Variants in PALS2 observed in about 807,000 individuals in gnomAD.
PALS2 encodes the protein protein PALS2.
A neutral mutation model predicts 61.6 loss-of-function variants in PALS2; 27 were observed. That is an observed-to-expected ratio of 0.44 (90% CI 0.32 to 0.60). The LOEUF is 0.60. Ranked by LOEUF, PALS2 falls within the 20% of genes least tolerant of loss-of-function variation. The pLI, the probability that PALS2 is intolerant of heterozygous loss-of-function variation, is 0.05. For missense variants in PALS2, 554 were observed against 639.4 expected (o/e 0.87, Z 1.44); for synonymous variants, 236 against 218.6 (o/e 1.08, Z -0.70).
Position 24,688,596 on chromosome 7 carries a change from T to A in PALS2, c.*982T>A, listed in dbSNP as rs1159449073. On this transcript the variant is annotated 3_prime_UTR_variant, in exon 12 of 12. Coordinates refer to ENST00000222644, the MANE Select transcript of PALS2 (RefSeq NM_001303037.2). Reference sequence around the variant, plus strand: ...GTTTGCAGTTGGAGGTTTTTGTGCTTTTAGAAATGTGATGTGATCCTTAGG... The same window carrying A: ...GTTTGCAGTTGGAGGTTTTTGTGCTATTAGAAATGTGATGTGATCCTTAGG... The A allele has an allele frequency of 6.6e-6, 1 of 152,112 alleles. No individual in the cohort carries two copies. Among genetic ancestry groups the A allele is most frequent in the Non-Finnish European group, 1.5e-5 (1 of 68,024 alleles). 9.4% of individuals were successfully genotyped at this position (152,112 alleles called of 1,614,324 possible). A position where few individuals can be genotyped will look rare whatever the true frequency, so the allele number is the denominator to read the frequency against.
chr7:24,612,415 A>C (rs943865825), intron 1 of PALS2, among the ~76,000 whole-genome samples: 10 of 151,828 alleles, frequency 6.6e-5, no homozygotes. Flanking sequence ...AGTTTTACGT[A>C]CTTTCTTTTT....
At position 24,592,629 on chromosome 7, in the gene PALS2, T is replaced by A. The variant is rs145858582; in HGVS notation, c.-3+19036T>A. On this transcript the variant is annotated intron_variant, in intron 1 of 11. Coordinates refer to ENST00000222644, the MANE Select transcript of PALS2 (RefSeq NM_001303037.2). ...ACCTCAGAGATATCACGGGTTCAGT[T>A]CTGGACCGCTACAATAAAACACATA... Among the ~76,000 whole-genome samples, 267 of 152,198 alleles carry A rather than the reference T, an allele frequency of 1.8e-3. 1 individual carries two copies. Among genetic ancestry groups the A allele is most frequent in the African/African-American group, 6.2e-3 (258 of 41,542 alleles).
chr7:24,635,314 A>G (rs1228550982), intron 2 of PALS2, among the ~76,000 whole-genome samples: 3 of 152,166 alleles, frequency 2.0e-5, no homozygotes, highest in Non-Finnish European at 2.9e-5. Flanking sequence ...TGCTGCTGTT[A>G]TGAATGGATT....
intron 1 of PALS2, among the ~76,000 whole-genome samples, chr7:24,616,276 A>G (rs2128053898): frequency 6.6e-6 from 1 of 152,272 alleles, no homozygotes; most frequent in South Asian, 2.1e-4. Flanking sequence ...TACATATGGC[A>G]TGATCTTACA....
At chr7:24,628,880 A>G (rs935072749) in intron 2 of PALS2, among the ~76,000 whole-genome samples, 3 of 152,230 alleles carry the variant, frequency 2.0e-5, no homozygotes, top group African/African-American at 7.2e-5. Flanking sequence ...GCTCATGGAT[A>G]GGAAGAATCA....
Position 24,613,800 on chromosome 7 carries a change from A to G in PALS2, c.-2-9866A>G, listed in dbSNP as rs371748201. Among the ~76,000 whole-genome samples the G allele has an allele frequency of 9.2e-5, 14 of 151,776 alleles. 1 individual carries two copies. Among genetic ancestry groups the G allele is most frequent in the Admixed American group, 7.2e-4 (11 of 15,254 alleles). ...CTGTTCTACTTTCTACTTCTGTAAG[A>G]TCAACTTTTTTAGCTTCCATGTAAG... On this transcript the variant is annotated intron_variant, in intron 1 of 11. Transcript: ENST00000222644.
intron 1 of PALS2, among the ~76,000 whole-genome samples, chr7:24,582,093 T>G (rs1011130362): frequency 6.6e-6 from 1 of 152,200 alleles, no homozygotes; most frequent in African/African-American, 2.4e-5. Flanking sequence ...AGATCTAGAT[T>G]TCTAATGTTT....
intron 3 of PALS2, among the ~76,000 whole-genome samples, chr7:24,645,204 A>C (rs114675055): frequency 0.069 from 10,523 of 151,990 alleles, 449 homozygotes; most frequent in African/African-American, 0.11. Context: ...GAAATCTTTG[A>C]CCATTCCTAT....
intron 2 of PALS2, among the ~76,000 whole-genome samples, chr7:24,627,485 T>C (rs1784797561): frequency 6.6e-6 from 1 of 151,894 alleles, no homozygotes; most frequent in Non-Finnish European, 1.5e-5. Context: ...ATTCAAAAGC[T>C]AGCAGAAGAC....
intron 1 of PALS2, among the ~76,000 whole-genome samples, chr7:24,620,547 A>G (rs997966775): frequency 4.6e-5 from 7 of 152,148 alleles, no homozygotes; most frequent in Admixed American, 2.6e-4. Flanking sequence ...TCTATTTCAC[A>G]ATTTCTTTCA....
intron 1 of PALS2, among the ~76,000 whole-genome samples, chr7:24,608,082 T>C (rs1234806903): frequency 6.6e-6 from 1 of 152,198 alleles, no homozygotes; most frequent in Non-Finnish European, 1.5e-5. Context: ...TATACATATG[T>C]GTGAACCTGT....
chr7:24,631,230 C>G (rs994866064), intron 2 of PALS2, among the ~76,000 whole-genome samples: 1 of 152,162 alleles, frequency 6.6e-6, no homozygotes, highest in Non-Finnish European at 1.5e-5. Context: ...TTGAGTCCAG[C>G]TCTCATGGAT....
At chr7:24,600,757 A>G (rs1042676460) in intron 1 of PALS2, among the ~76,000 whole-genome samples, 1 of 152,162 alleles carries the variant, frequency 6.6e-6, no homozygotes, top group Non-Finnish European at 1.5e-5. Context: ...ATGTCATAGT[A>G]TAGATAAAAA....
At position 24,618,106 on chromosome 7, in the gene PALS2, G is replaced by C. The variant is rs1037888186; in HGVS notation, c.-2-5560G>C. On this transcript the variant is annotated intron_variant, in intron 1 of 11. Coordinates refer to ENST00000222644, the MANE Select transcript of PALS2 (RefSeq NM_001303037.2). This position sits in a 1 kb window ranked among gnomAD's most constrained non-coding sequence, Gnocchi z 5.1. ...TCAAGGACATCTTCACCAGAGGCTAGCCTGCCAGGCTGTTTTTCAGGCTCA... is the reference window on the plus strand; with the variant it reads ...TCAAGGACATCTTCACCAGAGGCTACCCTGCCAGGCTGTTTTTCAGGCTCA... Among the ~76,000 whole-genome samples the C allele has an allele frequency of 6.6e-6, 1 of 152,184 alleles. No individual in the cohort carries two copies. Among genetic ancestry groups the C allele is most frequent in the Non-Finnish European group, 1.5e-5 (1 of 68,036 alleles).
In PALS2 at chr7:24,596,383, G is replaced by GTA. The variant is rs374298214; in HGVS notation, c.-3+22799_-3+22800dup. 1.2e-3 allele frequency among the ~76,000 whole-genome samples: 181 copies of GTA among 152,136 alleles called. No homozygotes were observed. The highest frequency in any genetic ancestry group is 4.0e-3 in the African/African-American group (167 of 41,504). On this transcript the variant is annotated intron_variant, in intron 1 of 11. Coordinates refer to ENST00000222644, the MANE Select transcript of PALS2 (RefSeq NM_001303037.2). The surrounding 1 kb of genome is among the most constrained non-coding windows in gnomAD (Gnocchi z 4.5). Reference sequence around the variant, plus strand: ...TTATGAATTCTAGGTATTTTTGTAAGTATATATATAAAGTATTATTTTGAA... The same window carrying GTA: ...TTATGAATTCTAGGTATTTTTGTAAGTATATATATATAAAGTATTATTTTGAA...
chr7:24,693,377 C>G lies in PALS2; in HGVS notation c.*5763C>G, dbSNP rs1212083493. The stretch of plus-strand genomic sequence containing the variant: ...TCCTCCTATCAAAGTAGCCTAGGAG[C>G]TTGGAGGAAGCCTAATTAACTAAAA... On this transcript the variant is annotated 3_prime_UTR_variant, in exon 12 of 12. Coordinates refer to ENST00000222644, the MANE Select transcript of PALS2 (RefSeq NM_001303037.2). 3.3e-5 allele frequency: 5 copies of G among 152,104 alleles called. No homozygotes were observed. Among genetic ancestry groups the G allele is most frequent in the Non-Finnish European group, 7.4e-5 (5 of 68,000 alleles). 9.4% of individuals were successfully genotyped at this position (152,104 alleles called of 1,614,324 possible).
chr7:24,661,921 T>G (rs769108045), intron 5 of PALS2, among the ~76,000 whole-genome samples: 19 of 152,316 alleles, frequency 1.2e-4, no homozygotes, highest in Non-Finnish European at 2.4e-4. Flanking sequence ...GGTACTTCAT[T>G]TTTCTGTCTT....
rs560230116 is a variant in PALS2, at chr7:24,634,269, C to T, written c.118-7447C>T. On this transcript the variant is annotated intron_variant, in intron 2 of 11. Coordinates refer to ENST00000222644, the MANE Select transcript of PALS2 (RefSeq NM_001303037.2). ...TTTTTGAGATGGAGTCTTGCTCTGC[C>T]GCCCAGGCTGGAGTGCAGTGGCACG... 3.3e-5 allele frequency among the ~76,000 whole-genome samples: 5 copies of T among 152,030 alleles called. No individual in the cohort carries two copies. The South Asian group carries it at 6.2e-4, about 19-fold the overall frequency.
Position 24,687,688 on chromosome 7 carries a change from A to C in PALS2, c.*74A>C. The C allele has an allele frequency of 7.2e-7, 1 of 1,383,994 alleles. No homozygotes were observed. The highest frequency in any genetic ancestry group is 1.5e-5 in the South Asian group (1 of 68,542). The allele number at this position is 1,383,994 out of a possible 1,614,324, so 85.7% of individuals were successfully genotyped here. A position where few individuals can be genotyped will look rare whatever the true frequency, so the allele number is the denominator to read the frequency against. Reference sequence around the variant, plus strand: ...CAACAAATAAACCTTCTACTGAGAAAATACATCACAGATAGAAGATTATCT... The same window carrying C: ...CAACAAATAAACCTTCTACTGAGAACATACATCACAGATAGAAGATTATCT... On this transcript the variant is annotated 3_prime_UTR_variant, in exon 12 of 12. Transcript: ENST00000222644. This position sits in a 1 kb window ranked among gnomAD's most constrained non-coding sequence, Gnocchi z 4.5.
Sources: gnomAD v4.1 joint callset for allele counts (sites outside exome capture counted in the v4.1 genomes callset) on GRCh38, gnomAD v4.1.1 for gene constraint, Gnocchi (gnomAD v3.1) non-coding constraint, MANE v1.5 for transcripts, NCBI Gene and HGNC (gene_info 2026-07-23, HGNC 2026-07-21) for gene names.